ENPP6: variants seen among roughly 807,000 people sequenced by gnomAD.
ENPP6 encodes the protein glycerophosphocholine cholinephosphodiesterase ENPP6.
Under a neutral mutation model 42.0 loss-of-function variants are expected in ENPP6, and 32 were observed. That is an observed-to-expected ratio of 0.76 (90% confidence interval 0.58 to 1.02). The LOEUF (loss-of-function observed/expected upper bound fraction) is 1.02, where lower values mean the gene tolerates loss of function less well. Among genes scored for constraint, ENPP6 ranks in the 50% least tolerant of loss-of-function variants. ENPP6 has a pLI of 0.00. For synonymous variants in ENPP6, 213 were observed against 216.0 expected, an observed-to-expected ratio of 0.99 and a Z score of 0.12; for missense variants, 552 against 566.8, an observed-to-expected ratio of 0.97 and a Z score of 0.27.
At chr4:184,149,457 C>T (rs56233139) in intron 2 of ENPP6, among the ~76,000 whole-genome samples, 18,818 of 152,316 alleles carry the variant, frequency 0.12, 1,261 homozygotes, top group South Asian at 0.16. Flanking sequence ...TAACTCCCCA[C>T]TCAGCCCACT....
rs1207457639 is a variant in ENPP6 at position 184,124,194 on chromosome 4, G to A, written c.500C>T (p.Ala167Val). ...GTCAAGAGCATCGCTGACTGCATTGGCAAAATTGATATCCGTTGGGACATT... is the reference window on the plus strand; with the variant it reads ...GTCAAGAGCATCGCTGACTGCATTGACAAAATTGATATCCGTTGGGACATT... ...YKNVPTDINFANAVSDALDSF... is the reference protein window; with the variant it reads ...YKNVPTDINFVNAVSDALDSF... Residue 167 changes from alanine (A) to valine (V), a missense_variant, in exon 3 of 8, where the codon GCC becomes GTC. Coordinates refer to ENST00000296741, the MANE Select transcript of ENPP6 (RefSeq NM_153343.4). 10 of 1,613,938 alleles carry A rather than the reference G, an allele frequency of 6.2e-6. No homozygotes were observed. The East Asian group carries it at 2.2e-4, about 36-fold the overall frequency.
At chr4:184,147,546 T>G (rs1344839755) in intron 2 of ENPP6, among the ~76,000 whole-genome samples, 1 of 152,106 alleles carries the variant, frequency 6.6e-6, no homozygotes, top group Non-Finnish European at 1.5e-5. Flanking sequence ...TTTGGGAGGT[T>G]GAGGTAAGAG....
rs147396997 is a variant in ENPP6, at chr4:184,130,570, AC to A, written c.422-6299del. On this transcript the variant is annotated intron_variant, in intron 2 of 7. Transcript: ENST00000296741. The stretch of plus-strand genomic sequence containing the variant: ...GAGACTCCAAATCAAACAAAACAAA[AC>A]AAAAAAAAAAGAGCTTGGGTTTTAA... Among the ~76,000 whole-genome samples, 3 of 135,502 alleles carry A rather than the reference AC, an allele frequency of 2.2e-5. 1 individual carries two copies. The highest frequency in any genetic ancestry group is 5.4e-5 in the African/African-American group (2 of 36,710). The allele number at this position is 135,502 out of a possible 152,430, so 88.9% of individuals were successfully genotyped here.
intron 1 of ENPP6, among the ~76,000 whole-genome samples, chr4:184,158,758 A>G (rs28472924): frequency 0.013 from 2,055 of 152,302 alleles, 38 homozygotes; most frequent in African/African-American, 0.041. Context: ...AAATAGCTCC[A>G]GGGGTTCTTT....
chr4:184,130,474 C>T (rs542695019), intron 2 of ENPP6, among the ~76,000 whole-genome samples: 1 of 82,722 alleles, frequency 1.2e-5, no homozygotes, highest in Non-Finnish European at 2.7e-5. Context: ...AGGAGAATGG[C>T]GTGAACCCGG....
intron 2 of ENPP6, among the ~76,000 whole-genome samples, chr4:184,141,236 G>A (rs1736815031): frequency 6.6e-6 from 1 of 152,108 alleles, no homozygotes; most frequent in Non-Finnish European, 1.5e-5. Context: ...GGAGTCTGTG[G>A]GCCCCTCTCC....
intron 1 of ENPP6, among the ~76,000 whole-genome samples, chr4:184,166,656 C>A (rs1376706736): frequency 1.3e-5 from 2 of 152,126 alleles, no homozygotes; most frequent in Non-Finnish European, 2.9e-5. Context: ...AAAATGAAAT[C>A]TCTTTTGAGG....
chr4:184,210,242 ACT>A (rs1733086290), intron 1 of ENPP6, among the ~76,000 whole-genome samples: 1 of 149,014 alleles, frequency 6.7e-6, no homozygotes, highest in Admixed American at 6.7e-5. Context: ...AACAATATTA[ACT>A]TTAAATGTAA....
At chr4:184,144,723 C>T (rs1042450324) in intron 2 of ENPP6, among the ~76,000 whole-genome samples, 2 of 152,236 alleles carry the variant, frequency 1.3e-5, no homozygotes, top group Non-Finnish European at 2.9e-5. Context: ...GAACCTTCTT[C>T]ACCCTAAACA....
chr4:184,094,681 G>A (rs889190228), intron 7 of ENPP6, among the ~76,000 whole-genome samples: 4 of 152,262 alleles, frequency 2.6e-5, no homozygotes, highest in Non-Finnish European at 4.4e-5. Context: ...GTCTCTTACA[G>A]AGAGGAGGTT....
chr4:184,131,175 TTC>T (rs1394410633), intron 2 of ENPP6, among the ~76,000 whole-genome samples: 38 of 60,030 alleles, frequency 6.3e-4, no homozygotes, highest in Admixed American at 1.8e-3. Context: ...CTTTCTTTCT[TTC>T]TTTCTTTCTT....
intron 1 of ENPP6, among the ~76,000 whole-genome samples, chr4:184,171,393 T>C (rs1443852822): frequency 6.6e-6 from 1 of 152,184 alleles, no homozygotes; most frequent in Admixed American, 6.5e-5. Flanking sequence ...AGAAGTTACA[T>C]AGCATCACTT....
intron 4 of ENPP6, 30 bp from the exon 5 acceptor site, chr4:184,117,065 G>T: frequency 2.5e-6 from 4 of 1,613,024 alleles, no homozygotes; most frequent in Non-Finnish European, 3.4e-6. Context: ...AGTCATTACG[G>T]CACCAACAGA....
intron 3 of ENPP6, among the ~76,000 whole-genome samples, chr4:184,119,816 C>CT (rs1272480808): frequency 2.0e-5 from 3 of 152,268 alleles, no homozygotes; most frequent in African/African-American, 7.2e-5. Context: ...GATTTCCCCC[C>CT]TTTTGCTTGG....
chr4:184,162,814 A>G (rs1241679989), intron 1 of ENPP6, among the ~76,000 whole-genome samples: 1 of 151,604 alleles, frequency 6.6e-6, no homozygotes, highest in Non-Finnish European at 1.5e-5. Context: ...AGGCCCTGGC[A>G]ATAAACAGGC....
chr4:184,179,989 A>G (rs1270038144), intron 1 of ENPP6, among the ~76,000 whole-genome samples: 1 of 152,214 alleles, frequency 6.6e-6, no homozygotes, highest in Non-Finnish European at 1.5e-5. Context: ...AACAAACCCC[A>G]AAGCTAGCAG....
At position 184,209,503 on chromosome 4, in the gene ENPP6, T is replaced by G. The variant is rs957564208; in HGVS notation, c.241+8076A>C. Among the ~76,000 whole-genome samples the G allele has an allele frequency of 3.1e-4, 47 of 151,806 alleles. 1 individual carries two copies. The highest frequency in any genetic ancestry group is 4.6e-4 in the Admixed American group (7 of 15,274). ...GGGTATCAGCAATGGAAGATGAAAT[T>G]AATGAAATGAAGCAAGAAGGGAAGT... On this transcript the variant is annotated intron_variant, in intron 1 of 7. Transcript: ENST00000296741.
chr4:184,173,422 A>C (rs1737508282), intron 1 of ENPP6, among the ~76,000 whole-genome samples: 4 of 152,192 alleles, frequency 2.6e-5, no homozygotes, highest in African/African-American at 9.7e-5. Flanking sequence ...TCCATTTTCC[A>C]ATCTTTCTAA....
intron 1 of ENPP6, among the ~76,000 whole-genome samples, chr4:184,193,923 C>T (rs945270444): frequency 2.0e-5 from 3 of 152,208 alleles, no homozygotes; most frequent in South Asian, 4.1e-4. Context: ...TTTGATGCTA[C>T]TGACTTTCTT....
Sources: allele counts gnomAD v4.1 joint callset (sites outside exome capture counted in the v4.1 genomes callset), GRCh38; gene constraint gnomAD v4.1.1; transcripts MANE v1.5; gene names NCBI Gene and HGNC (gene_info 2026-07-23, HGNC 2026-07-21).